The following ULK2 variants were observed in gnomAD, a reference collection of about 807,000 sequenced individuals.
ULK2 encodes unc-51 like autophagy activating kinase 2.
ULK2 carries 76 observed loss-of-function variants against 127.5 expected under a neutral mutation model. That is an observed-to-expected ratio of 0.60 (90% CI 0.50 to 0.72). The LOEUF (loss-of-function observed/expected upper bound fraction) is 0.72, where lower values mean the gene tolerates loss of function less well. Among genes scored for constraint, ULK2 ranks in the 30% least tolerant of loss-of-function variants. The pLI is 0.00. For synonymous variants in ULK2, 452 were observed against 461.9 expected (o/e 0.98, Z 0.28); for missense variants, 1,144 against 1,295.9 (o/e 0.88, Z 1.80).
At chr17:19,787,288 T>A (rs1418669606) in intron 20 of ULK2, among the ~76,000 whole-genome samples, 2 of 150,522 alleles carry the variant, frequency 1.3e-5, no homozygotes, top group Admixed American at 1.3e-4. Context: ...CGCCCAGCCT[T>A]AGTTTTTATT....
At chr17:19,850,988 A>G (rs993758263) in intron 3 of ULK2, among the ~76,000 whole-genome samples, 5 of 151,672 alleles carry the variant, frequency 3.3e-5, no homozygotes, top group African/African-American at 7.3e-5. Context: ...AGACTAGCCT[A>G]GGCAACACAC....
intron 22 of ULK2, among the ~76,000 whole-genome samples, chr17:19,783,152 T>C (rs1597707461): frequency 6.6e-6 from 1 of 152,146 alleles, no homozygotes; most frequent in African/African-American, 2.4e-5. Context: ...TATGTTTCAA[T>C]ACACTGGAAC....
chr17:19,800,982 T>C (rs1461218492), intron 16 of ULK2, among the ~76,000 whole-genome samples: 1 of 152,138 alleles, frequency 6.6e-6, no homozygotes, highest in Non-Finnish European at 1.5e-5. Context: ...TGGTGTTTTG[T>C]TTGTATTGGC....
chr17:19,805,244 C>T (rs1180421978), intron 14 of ULK2, among the ~76,000 whole-genome samples: 2 of 152,216 alleles, frequency 1.3e-5, no homozygotes, highest in African/African-American at 4.8e-5. Flanking sequence ...GTCATGAATG[C>T]TGTAAGCATT....
chr17:19,791,210 G>A (rs963316097), intron 20 of ULK2, among the ~76,000 whole-genome samples: 1 of 152,152 alleles, frequency 6.6e-6, no homozygotes, highest in African/African-American at 2.4e-5. Context: ...CTCAGCTTAT[G>A]GATCATTCTC....
intron 1 of ULK2, 93 bp downstream of exon 1, chr17:19,867,235 C>G (rs555513834): frequency 9.9e-7 from 1 of 1,012,160 alleles, no homozygotes; most frequent in South Asian, 1.9e-5. Flanking sequence ...CTAGCCGAGT[C>G]GGGGGTCTCG....
chr17:19,842,516 C>G (rs998521613), intron 8 of ULK2, among the ~76,000 whole-genome samples: 1 of 151,972 alleles, frequency 6.6e-6, no homozygotes, highest in African/African-American at 2.4e-5. Flanking sequence ...TTTCTTAATA[C>G]TATCTCGGGC....
chr17:19,785,209 A>T (rs530173947), intron 21 of ULK2, among the ~76,000 whole-genome samples: 34 of 152,224 alleles, frequency 2.2e-4, no homozygotes, highest in Non-Finnish European at 2.2e-4. Context: ...ATAAATAAAT[A>T]AAACAAGTTT....
chr17:19,862,090 CCTTTTT>C (rs566172812), intron 3 of ULK2, among the ~76,000 whole-genome samples: 55 of 151,920 alleles, frequency 3.6e-4, no homozygotes, highest in Non-Finnish European at 7.4e-4. Context: ...ACTTAAACAT[CCTTTTT>C]CTTTTTTTTT....
rs1400187610 is a variant in ULK2 at position 19,864,836 on chromosome 17, C to T, written c.192G>A (p.Gln64=). 3.0e-5 allele frequency: 40 copies of T among 1,321,258 alleles called. No homozygotes were observed. The highest frequency in any genetic ancestry group is 3.8e-5 in the Non-Finnish European group (38 of 1,000,552). The allele number at this position is 1,321,258 out of a possible 1,614,324, so 81.8% of individuals were successfully genotyped here. ...CATAGAGTGCTACAATATTTTCATG[C>T]TGAAGTTCCTATTAAGAAAATTGAG... ...GKEIKILKEL[Q]HENIVALYDV... The change falls in exon 3 of 27, where the codon CAG becomes CAA. Residue 64 remains glutamine (Q), a synonymous_variant. Transcript: ENST00000395544.
At position 19,797,580 on chromosome 17, in the gene ULK2, A is replaced by G. The variant is rs754345679; in HGVS notation, c.1625T>C (p.Leu542Pro). ...CACGGGGTCAGAGTGCTGTTTTCTG[A>G]GCTTCTGCTTGTTCTGATAGATGTC... ...LTDIYQNKQK[L>P]RKQHSDPVCP... is the part of the protein sequence containing the mutation. Residue 542 changes from leucine to proline, a missense_variant, in exon 18 of 27, where the codon CTC becomes CCC. Coordinates refer to ENST00000395544, the MANE Select transcript of ULK2 (RefSeq NM_014683.4). The G allele has an allele frequency of 1.7e-5, 28 of 1,613,546 alleles. No homozygotes were observed. Among genetic ancestry groups the G allele is most frequent in the Non-Finnish European group, 2.2e-5 (26 of 1,179,986 alleles).
At chr17:19,800,503 A>G (rs2087375258) in intron 16 of ULK2, among the ~76,000 whole-genome samples, 1 of 152,164 alleles carries the variant, frequency 6.6e-6, no homozygotes, top group East Asian at 1.9e-4. Context: ...GGGCTGCTAC[A>G]GGGGTGAGAA....
At chr17:19,823,992 A>T (rs977985972) in intron 12 of ULK2, among the ~76,000 whole-genome samples, 1 of 152,158 alleles carries the variant, frequency 6.6e-6, no homozygotes, top group Non-Finnish European at 1.5e-5. Context: ...GCTTACACTC[A>T]CTTATCCCTG....
intron 1 of ULK2, 46 bp from the exon 2 acceptor site, chr17:19,865,874 ATAAC>A: frequency 8.4e-7 from 1 of 1,195,130 alleles, no homozygotes; most frequent in Non-Finnish European, 1.2e-6. Context: ...TTCCACATAA[ATAAC>A]AGAAAAAAAT....
chr17:19,816,185 T>C (rs942749943), intron 13 of ULK2, among the ~76,000 whole-genome samples: 13 of 152,344 alleles, frequency 8.5e-5, no homozygotes, highest in African/African-American at 3.1e-4. Flanking sequence ...TCTGATACTA[T>C]TCCTTCATGA....
intron 12 of ULK2, among the ~76,000 whole-genome samples, chr17:19,818,790 CTTTTT>C (rs1567699786): frequency 1.6e-5 from 2 of 126,204 alleles, no homozygotes; most frequent in Non-Finnish European, 1.6e-5. Flanking sequence ...CATTTCTTTT[CTTTTT>C]TCTTTTTTTT....
chr17:19,860,608 T>G (rs2042222020), intron 3 of ULK2, among the ~76,000 whole-genome samples: 1 of 150,544 alleles, frequency 6.6e-6, no homozygotes, highest in African/African-American at 2.4e-5. Context: ...CACTGCAATC[T>G]CCGCCTCTTC....
chr17:19,823,725 G>A (rs1042279666), intron 12 of ULK2, among the ~76,000 whole-genome samples: 1 of 152,208 alleles, frequency 6.6e-6, no homozygotes, highest in African/African-American at 2.4e-5. Context: ...AAGTCACTGA[G>A]TGGGCAAGCA....
At chr17:19,799,392 A>G (rs764870941) in intron 17 of ULK2, 103 bp downstream of exon 17, 36 of 982,580 alleles carry the variant, frequency 3.7e-5, no homozygotes, top group Non-Finnish European at 4.3e-5. Context: ...GGCAGAGGAG[A>G]TATTTCATAT....
Sources: allele counts gnomAD v4.1 joint callset (sites outside exome capture counted in the v4.1 genomes callset), GRCh38; gene constraint gnomAD v4.1.1; transcripts MANE v1.5; gene names NCBI Gene and HGNC (gene_info 2026-07-23, HGNC 2026-07-21).